PHLPP1: variants seen among roughly 807,000 people sequenced by gnomAD.
The protein encoded by PHLPP1 is PH domain and leucine rich repeat protein phosphatase 1.
Under a neutral mutation model 117.2 loss-of-function variants are expected in PHLPP1, and 42 were observed. That is an observed-to-expected ratio of 0.36 (90% CI 0.28 to 0.46). The LOEUF (loss-of-function observed/expected upper bound fraction) is 0.46. Ranked by LOEUF, PHLPP1 falls within the 20% of genes least tolerant of loss-of-function variation. PHLPP1 has a pLI of 1.00. For missense variants in PHLPP1, 2,084 were observed against 2,241.9 expected (o/e 0.93, Z 1.42); for synonymous variants, 1,042 against 970.7 (o/e 1.07, Z -1.37).
chr18:62,972,450 C>G (rs1182284250), intron 14 of PHLPP1, 64 bp from the exon 15 acceptor site: 1 of 1,427,710 alleles, frequency 7.0e-7, no homozygotes, highest in Non-Finnish European at 9.7e-7. Context: ...TTGAAATAAG[C>G]ACTGGGCTGG....
chr18:62,886,851 A>G (rs993804585), intron 4 of PHLPP1, among the ~76,000 whole-genome samples: 2 of 152,218 alleles, frequency 1.3e-5, no homozygotes, highest in African/African-American at 4.8e-5. Context: ...TGCTGCATAA[A>G]TGTTAACTTC....
Position 62,786,253 on chromosome 18 carries a change from A to G in PHLPP1, c.1577-43782A>G, listed in dbSNP as rs74347711. ...AGATAAACATCTTTATTCTATGTCT[A>G]CAAGCCCTCTCCAGCAGACGGATGA... On this transcript the variant is annotated intron_variant, in intron 1 of 16. Coordinates refer to ENST00000262719, the MANE Select transcript of PHLPP1 (RefSeq NM_194449.4). Among the ~76,000 whole-genome samples the G allele has an allele frequency of 7.2e-3, 1,093 of 152,316 alleles. 48 individuals are homozygous for G. The East Asian group carries it at 0.1, about 15-fold the overall frequency.
chr18:62,880,222 C>G (rs953362717), intron 4 of PHLPP1, among the ~76,000 whole-genome samples: 17 of 151,076 alleles, frequency 1.1e-4, no homozygotes, highest in African/African-American at 3.9e-4. Flanking sequence ...TTTTTTTCCC[C>G]ATTTAGCTGT....
chr18:62,821,921 T>A (rs534746253), intron 1 of PHLPP1, among the ~76,000 whole-genome samples: 1 of 151,936 alleles, frequency 6.6e-6, no homozygotes, highest in East Asian at 1.9e-4. Flanking sequence ...ACTATGCCCA[T>A]CTCTACAAAA....
At chr18:62,741,320 T>A (rs1226594744) in intron 1 of PHLPP1, among the ~76,000 whole-genome samples, 1 of 152,232 alleles carries the variant, frequency 6.6e-6, no homozygotes, top group African/African-American at 2.4e-5. Flanking sequence ...CAAAAGTCAC[T>A]GATTAGTGGT....
chr18:62,848,541 C>A (rs997217061), intron 3 of PHLPP1, among the ~76,000 whole-genome samples: 1 of 143,720 alleles, frequency 7.0e-6, no homozygotes, highest in African/African-American at 2.6e-5. Context: ...CAGTTCACTG[C>A]AGGCTTTGAC....
rs777259107 is a variant in PHLPP1, at chr18:62,838,792, A to C, written c.1782A>C (p.Glu594Asp). 1 of 1,613,710 alleles carries C rather than the reference A, an allele frequency of 6.2e-7. No homozygotes were observed. The highest frequency in any genetic ancestry group is 1.3e-5 in the African/African-American group (1 of 74,918). ...TCTGTTTGCTTTTATAGGTAGAAGA[A>C]GTGAAAAAGCACCAACACTGTTTAG... ...VLPLIGGKVE[E>D]VKKHQHCLAF... The change falls in exon 3 of 17, where the codon GAA (glutamate) becomes GAC (aspartate). Residue 594 changes from glutamate (E) to aspartate (D), a missense_variant. Glu to Asp is a conservative substitution (Grantham distance 45). This residue lies in a region of PHLPP1 where 1,365 missense variants were observed against 1,605.9 expected (regional missense o/e 0.85). Transcript: ENST00000262719.
In PHLPP1 at chr18:62,860,564, A is replaced by T; in HGVS notation, c.2029A>T (p.Ser677Cys). The stretch of plus-strand genomic sequence containing the variant: ...ACAAAACTTCCTAAGGCAGAACCCT[A>T]GCCTTCCAGCTGCCAGGGGGCTTAA... ...LKQNFLRQNPSLPAARGLNEL... is the reference protein window; with the variant it reads ...LKQNFLRQNPCLPAARGLNEL... Residue 677 changes from serine (S) to cysteine (C), a missense_variant, in exon 4 of 17, where the codon AGC becomes TGC. Around this residue, in one of 2 missense-constraint regions of PHLPP1, gnomAD observed 1,365 missense variants for 1,605.9 expected, o/e 0.85. Transcript: ENST00000262719. 1 of 1,613,542 alleles carries T rather than the reference A, an allele frequency of 6.2e-7. No homozygotes were observed. Among genetic ancestry groups the T allele is most frequent in the South Asian group, 1.1e-5 (1 of 90,954 alleles).
intron 2 of PHLPP1, among the ~76,000 whole-genome samples, chr18:62,833,072 G>T (rs1235070802): frequency 2.0e-5 from 3 of 152,084 alleles, no homozygotes; most frequent in Non-Finnish European, 4.4e-5. Flanking sequence ...TTTAAATAAT[G>T]TATTATTATT....
chr18:62,767,567 A>G (rs1912590239), intron 1 of PHLPP1, among the ~76,000 whole-genome samples: 1 of 152,242 alleles, frequency 6.6e-6, no homozygotes, highest in Non-Finnish European at 1.5e-5. Context: ...AACAGTTTGG[A>G]GCATGACTTG....
intron 1 of PHLPP1, among the ~76,000 whole-genome samples, chr18:62,803,149 A>G (rs1316325604): frequency 6.6e-6 from 1 of 152,214 alleles, no homozygotes; most frequent in Non-Finnish European, 1.5e-5. Flanking sequence ...GGATATGTTA[A>G]GGGTTCATAT....
Position 62,958,630 on chromosome 18 carries a change from G to C in PHLPP1, c.3326G>C (p.Cys1109Ser). Residue 1109 changes from cysteine to serine, a missense_variant and splice_region_variant, in exon 13 of 17, where the codon TGT becomes TCT. By Grantham distance (112) the Cys-to-Ser change is moderately radical. Coordinates refer to ENST00000262719, the MANE Select transcript of PHLPP1 (RefSeq NM_194449.4). Reference protein sequence around the residue: ...PEVMQLPEIKCVDLSCNELSE... With the variant: ...PEVMQLPEIKSVDLSCNELSE... ...TGTTTGCACTTGTTCTTTTTTCAGTGTGTGGACCTGAGCTGTAATGAGCTA... is the reference window on the plus strand; with the variant it reads ...TGTTTGCACTTGTTCTTTTTTCAGTCTGTGGACCTGAGCTGTAATGAGCTA... The C allele has an allele frequency of 6.2e-7, 1 of 1,613,730 alleles. No homozygotes were observed. Among genetic ancestry groups the C allele is most frequent in the Non-Finnish European group, 8.5e-7 (1 of 1,179,794 alleles).
At position 62,715,666 on chromosome 18, in the gene PHLPP1, A is replaced by G; in HGVS notation, c.-18A>G. 7.9e-7 allele frequency: 1 copy of G among 1,267,630 alleles called. No individual in the cohort carries two copies. The highest frequency in any genetic ancestry group is 9.9e-7 in the Non-Finnish European group (1 of 1,006,566). The allele number at this position is 1,267,630 out of a possible 1,614,324, so 78.5% of individuals were successfully genotyped here. A position where few individuals can be genotyped will look rare whatever the true frequency, so the allele number is the denominator to read the frequency against. The stretch of plus-strand genomic sequence containing the variant: ...CGCTGCCTCCGGAGCTGGGGGGGAA[A>G]CGCGAAGCCCCACTGCAATGGAGCC... On this transcript the variant is annotated 5_prime_UTR_variant, in exon 1 of 17. Transcript: ENST00000262719.
intron 1 of PHLPP1, among the ~76,000 whole-genome samples, chr18:62,720,390 A>C (rs924346200): frequency 6.6e-6 from 1 of 152,192 alleles, no homozygotes; most frequent in Non-Finnish European, 1.5e-5. Flanking sequence ...AAGGGTGTTG[A>C]CAGAATAAAG....
At chr18:62,842,310 T>C (rs1915075042) in intron 3 of PHLPP1, among the ~76,000 whole-genome samples, 1 of 152,166 alleles carries the variant, frequency 6.6e-6, no homozygotes, top group African/African-American at 2.4e-5. Flanking sequence ...GGGGAAATGA[T>C]TTCCTCCTGA....
intron 16 of PHLPP1, among the ~76,000 whole-genome samples, chr18:62,976,470 C>G (rs949830072): frequency 5.3e-4 from 80 of 152,212 alleles, no homozygotes; most frequent in African/African-American, 1.8e-3. Context: ...AGAAGTCTGA[C>G]GTGCAAACCA....
At chr18:62,780,222 GA>G (rs1408340457) in intron 1 of PHLPP1, among the ~76,000 whole-genome samples, 1 of 152,204 alleles carries the variant, frequency 6.6e-6, no homozygotes, top group Non-Finnish European at 1.5e-5. Context: ...GAAGGATTCA[GA>G]AGTGGTCTAG....
At chr18:62,927,856 T>A (rs1306387323) in intron 10 of PHLPP1, among the ~76,000 whole-genome samples, 1 of 152,058 alleles carries the variant, frequency 6.6e-6, no homozygotes, top group Non-Finnish European at 1.5e-5. Flanking sequence ...TACCTTAAAG[T>A]ACATGTGAAA....
chr18:62,889,206 G>T (rs1408907313), intron 4 of PHLPP1, among the ~76,000 whole-genome samples: 1 of 152,166 alleles, frequency 6.6e-6, no homozygotes, highest in Non-Finnish European at 1.5e-5. Flanking sequence ...GTCCTTCTCT[G>T]GGAAGAGTTT....
Sources: gnomAD v4.1 joint callset for allele counts (sites outside exome capture counted in the v4.1 genomes callset) on GRCh38, gnomAD v4.1.1 for gene constraint, gnomAD v4.1.1 regional missense constraint, MANE v1.5 for transcripts, NCBI Gene and HGNC (gene_info 2026-07-23, HGNC 2026-07-21) for gene names.